The following STAU1 variants were observed in gnomAD, a reference collection of about 807,000 sequenced individuals.
The protein encoded by STAU1 is double-stranded RNA-binding protein Staufen homolog 1.
In STAU1, 13 loss-of-function variants were observed where a neutral mutation model predicts 62.9. The ratio of observed to expected loss-of-function variants is 0.21; its 90% CI spans 0.13 to 0.33. STAU1 has a LOEUF of 0.33. Ranked by LOEUF, STAU1 falls within the 10% of genes least tolerant of loss-of-function variation. STAU1 has a pLI of 1.00. For missense variants in STAU1, 571 were observed against 712.1 expected (o/e 0.80, Z 2.25); for synonymous variants, 269 against 265.1 (o/e 1.01, Z -0.14).
rs1255890137 is a variant in STAU1 at position 49,151,660 on chromosome 20, T to C, written c.432A>G (p.Thr144=). The C allele has an allele frequency of 1.9e-6, 3 of 1,613,392 alleles. No homozygotes were observed. The highest frequency in any genetic ancestry group is 1.1e-5 in the South Asian group (1 of 90,880). ...CAGCATCGTGTTTCGCAGCCTGTCT[T>C]GTCTTTCCTTTGCCATTAAATTGCT... ...GGQQFNGKGK[T]RQAAKHDAAA... The change falls in exon 5 of 14, where the codon ACA becomes ACG. Residue 144 remains threonine, a synonymous_variant. Transcript: ENST00000371856.
intron 5 of STAU1, among the ~76,000 whole-genome samples, chr20:49,147,661 C>T (rs1049968120): frequency 2.6e-5 from 4 of 152,152 alleles, no homozygotes; most frequent in Admixed American, 6.5e-5. Context: ...ATGTTCTTCC[C>T]GACCCATTTT....
chr20:49,144,048 T>C (rs2093068910), intron 5 of STAU1, among the ~76,000 whole-genome samples: 1 of 152,200 alleles, frequency 6.6e-6, no homozygotes, highest in Non-Finnish European at 1.5e-5. Context: ...CATAATTCTG[T>C]TGAAGAGAAA....
In STAU1 at chr20:49,117,228, G is replaced by A; in HGVS notation, c.1530C>T (p.Pro510=). 6.2e-7 allele frequency: 1 copy of A among 1,614,108 alleles called. No individual in the cohort carries two copies. The highest frequency in any genetic ancestry group is 8.5e-7 in the Non-Finnish European group (1 of 1,180,010). Residue 510 remains proline (P), a synonymous_variant, in exon 12 of 14, where the codon CCC becomes CCT. Coordinates refer to ENST00000371856, the MANE Select transcript of STAU1 (RefSeq NM_017453.4). The surrounding 1 kb of genome is among the most constrained non-coding windows in gnomAD (Gnocchi z 4.6). ...QGFQVEYKDF[P]KNNKNEFVSL... is the part of the protein sequence containing the mutation. ...ATACAAATTCGTTCTTGTTGTTTTT[G>A]GGGAAGTCTTTGTATTCAACCTAAG...
At chr20:49,115,281 G>A (rs1482279321) in intron 13 of STAU1, among the ~76,000 whole-genome samples, 1 of 152,102 alleles carries the variant, frequency 6.6e-6, no homozygotes, top group Admixed American at 6.6e-5. Context: ...ACCATGTGAA[G>A]GTATGACCAA....
Position 49,118,406 on chromosome 20 carries a change from T to C in STAU1, c.1116A>G (p.Thr372=), listed in dbSNP as rs1164717466. 2.5e-6 allele frequency: 4 copies of C among 1,605,126 alleles called. No homozygotes were observed. Among genetic ancestry groups the C allele is most frequent in the Admixed American group, 1.7e-5 (1 of 58,002 alleles). ...TTCCATCCCCTGGTTTCTTTATGGG[T>C]GTCTTAAAAAAGAAGAAGAAAAAAA... ...TKPALKSEEK[T]PIKKPGDGRK... Residue 372 remains threonine, a splice_region_variant and synonymous_variant, in exon 10 of 14, where the codon ACA becomes ACG. Transcript: ENST00000371856.
chr20:49,151,754 A>G lies in STAU1; in HGVS notation c.345-7T>C, dbSNP rs752824367. On this transcript the variant is annotated splice_polypyrimidine_tract_variant and splice_region_variant and intron_variant, in intron 4 of 13. Coordinates refer to ENST00000371856, the MANE Select transcript of STAU1 (RefSeq NM_017453.4). ...TGGAAATGGGTAAAAGTACCTAGAA[A>G]TAAAAGGAGGTTAGGCAAATTACAG... The G allele has an allele frequency of 3.1e-6, 5 of 1,605,168 alleles. No homozygotes were observed. The highest frequency in any genetic ancestry group is 1.1e-5 in the South Asian group (1 of 89,438).
chr20:49,115,307 T>C (rs1223997003), intron 13 of STAU1, among the ~76,000 whole-genome samples: 2 of 152,124 alleles, frequency 1.3e-5, no homozygotes, highest in African/African-American at 4.8e-5. Flanking sequence ...AAAGGTTTTT[T>C]TGTTTTTTTT....
the STAU1 span, among the ~76,000 whole-genome samples, chr20:49,203,832 G>A: frequency 0.28 from 42,452 of 151,898 alleles, 6,528 homozygotes; most frequent in East Asian, 0.52. Flanking sequence ...GATTACAGGC[G>A]TGCGCCACCA....
intron 5 of STAU1, among the ~76,000 whole-genome samples, chr20:49,145,919 A>T (rs1321568760): frequency 6.6e-6 from 1 of 151,650 alleles, no homozygotes; most frequent in Admixed American, 6.6e-5. Context: ...AAAAAAATAA[A>T]AAAGAAAAAG....
upstream of STAU1, among the ~76,000 whole-genome samples, chr20:49,193,284 C>T (rs370572928): frequency 2.6e-5 from 4 of 151,474 alleles, no homozygotes; most frequent in African/African-American, 4.9e-5. Flanking sequence ...GGCTGAGGCA[C>T]GAGAATCGCT....
At chr20:49,206,765 T>TATTTA in the STAU1 span, among the ~76,000 whole-genome samples, 1 of 130,746 alleles carries the variant, frequency 7.6e-6, no homozygotes, top group East Asian at 2.4e-4. Flanking sequence ...TATTTTATTT[T>TATTTA]TTTTTTTTTG....
chr20:49,165,851 A>ATCTGGGAT, intron 3 of STAU1, 146 bp downstream of exon 3: 1 of 754,088 alleles, frequency 1.3e-6, no homozygotes, highest in Middle Eastern at 3.9e-4. Flanking sequence ...AGTGTTCTAT[A>ATCTGGGAT]TCTGGGATAA....
chr20:49,155,415 T>A (rs1182965818), intron 3 of STAU1, among the ~76,000 whole-genome samples: 1 of 152,138 alleles, frequency 6.6e-6, no homozygotes, highest in Non-Finnish European at 1.5e-5. Context: ...GTTCATCCAA[T>A]CCATAAACCT....
intron 3 of STAU1, among the ~76,000 whole-genome samples, chr20:49,164,594 C>G (rs1018560645): frequency 2.0e-5 from 3 of 151,792 alleles, no homozygotes; most frequent in Non-Finnish European, 4.4e-5. Flanking sequence ...CTGGCCATGA[C>G]GCAGAAAATT....
At chr20:49,144,346 G>T (rs2093076763) in intron 5 of STAU1, among the ~76,000 whole-genome samples, 1 of 151,870 alleles carries the variant, frequency 6.6e-6, no homozygotes, top group African/African-American at 2.4e-5. Flanking sequence ...AATGTTGCAT[G>T]ATGAAGTCCT....
At chr20:49,189,292 G>C (rs2093825008), upstream of STAU1, among the ~76,000 whole-genome samples, 1 of 148,012 alleles carries the variant, frequency 6.8e-6, no homozygotes, top group African/African-American at 2.5e-5. Flanking sequence ...GATAAACTAA[G>C]TGGTTTTTAG....
At chr20:49,154,882 C>T (rs969384486) in intron 3 of STAU1, among the ~76,000 whole-genome samples, 1 of 151,040 alleles carries the variant, frequency 6.6e-6, no homozygotes, top group Non-Finnish European at 1.5e-5. Context: ...GTCAGGAGTT[C>T]GAGACCAGCC....
chr20:49,210,512 G>A, the STAU1 span: 1 of 455,758 alleles, frequency 2.2e-6, no homozygotes. Flanking sequence ...GGTAGTGGTG[G>A]GGGAAAATTC....
the STAU1 span, among the ~76,000 whole-genome samples, chr20:49,197,465 G>C: frequency 6.7e-6 from 1 of 149,630 alleles, no homozygotes; most frequent in Non-Finnish European, 1.5e-5. Context: ...GCAGTGGCGC[G>C]ATCTCAGCTC....
Sources: gnomAD v4.1 joint callset for allele counts (sites outside exome capture counted in the v4.1 genomes callset) on GRCh38, gnomAD v4.1.1 for gene constraint, Gnocchi (gnomAD v3.1) non-coding constraint, MANE v1.5 for transcripts, NCBI Gene and HGNC (gene_info 2026-07-23, HGNC 2026-07-21) for gene names.